The following PITPNC1 variants were observed in gnomAD, a reference collection of about 807,000 sequenced individuals.
PITPNC1 encodes cytoplasmic phosphatidylinositol transfer protein 1.
Under a neutral mutation model 44.7 loss-of-function variants are expected in PITPNC1, and 18 were observed. The observed-to-expected ratio is 0.40, with a 90% CI of 0.28 to 0.60. PITPNC1 has a LOEUF of 0.60. PITPNC1 is among the 20% of genes least tolerant of loss of function. The pLI is 0.39. For missense variants in PITPNC1, 290 were observed against 418.4 expected, an observed-to-expected ratio of 0.69 and a Z score of 2.68; for synonymous variants, 141 against 149.6, an observed-to-expected ratio of 0.94 and a Z score of 0.42.
intron 6 of PITPNC1, among the ~76,000 whole-genome samples, chr17:67,658,873 G>A (rs990608379): frequency 1.3e-5 from 2 of 152,066 alleles, no homozygotes; most frequent in Non-Finnish European, 2.9e-5. Context: ...CTGCAGGGGG[G>A]AAGCCATGTC....
At chr17:67,552,942 A>G (rs2040788000) in intron 3 of PITPNC1, among the ~76,000 whole-genome samples, 1 of 152,138 alleles carries the variant, frequency 6.6e-6, no homozygotes, top group Non-Finnish European at 1.5e-5. Context: ...TTGTCTGTAA[A>G]CAAGTTGCTT....
chr17:67,664,881 G>A (rs2042399380), intron 6 of PITPNC1, among the ~76,000 whole-genome samples: 1 of 150,952 alleles, frequency 6.6e-6, no homozygotes, highest in African/African-American at 2.4e-5. Flanking sequence ...CTCCAGCCTG[G>A]GCGACAGAGC....
chr17:67,681,964 G>A (rs560484263), intron 8 of PITPNC1, among the ~76,000 whole-genome samples: 255 of 152,160 alleles, frequency 1.7e-3, no homozygotes, highest in African/African-American at 6.0e-3. Context: ...TTGGGAGACC[G>A]AGGCAGGCAG....
intron 5 of PITPNC1, among the ~76,000 whole-genome samples, chr17:67,604,142 A>AT (rs1220568998): frequency 6.6e-6 from 1 of 152,162 alleles, no homozygotes; most frequent in Non-Finnish European, 1.5e-5. Context: ...CCCTTACCTG[A>AT]TTTTTTTCAA....
At chr17:67,627,072 G>A (rs1019563178) in intron 5 of PITPNC1, among the ~76,000 whole-genome samples, 1 of 150,374 alleles carries the variant, frequency 6.7e-6, no homozygotes, top group Non-Finnish European at 1.5e-5. Flanking sequence ...CAATATGGTG[G>A]TAAAACCCCA....
chr17:67,663,777 A>T (rs1169123838), intron 6 of PITPNC1, among the ~76,000 whole-genome samples: 2 of 152,136 alleles, frequency 1.3e-5, no homozygotes, highest in African/African-American at 4.8e-5. Flanking sequence ...CCACGTTGTC[A>T]GGTCATTGCC....
chr17:67,483,247 C>G (rs1044287411), intron 1 of PITPNC1, among the ~76,000 whole-genome samples: 1 of 152,154 alleles, frequency 6.6e-6, no homozygotes, highest in African/African-American at 2.4e-5. Flanking sequence ...GAACTTGTAG[C>G]CAATTTTATA....
intron 1 of PITPNC1, among the ~76,000 whole-genome samples, chr17:67,518,224 C>T (rs1343160835): frequency 6.6e-6 from 1 of 152,226 alleles, no homozygotes; most frequent in Non-Finnish European, 1.5e-5. Flanking sequence ...CCTACCACCA[C>T]TCCTGGGTTC....
chr17:67,637,110 T>G (rs978010195), intron 6 of PITPNC1, among the ~76,000 whole-genome samples: 1 of 152,224 alleles, frequency 6.6e-6, no homozygotes, highest in Non-Finnish European at 1.5e-5. Flanking sequence ...AGCTGGCTCT[T>G]TCCCAGCCGC....
At chr17:67,480,331 G>T (rs2039685393) in intron 1 of PITPNC1, among the ~76,000 whole-genome samples, 1 of 152,176 alleles carries the variant, frequency 6.6e-6, no homozygotes, top group East Asian at 1.9e-4. Flanking sequence ...ATCTTTGTTT[G>T]CAGGGATATG....
intron 1 of PITPNC1, among the ~76,000 whole-genome samples, chr17:67,470,303 T>G (rs929905466): frequency 6.6e-6 from 1 of 152,184 alleles, no homozygotes; most frequent in Non-Finnish European, 1.5e-5. Context: ...ATACACACAC[T>G]GTAGTCATGT....
rs2042605098 is a variant in PITPNC1 at position 67,676,496 on chromosome 17, G to A, written c.682+954G>A. ...CACTCCCAGAATCAGTCATCAGATG[G>A]CTACCGTCCTTGGCTATAAATAGAA... On this transcript the variant is annotated intron_variant, in intron 8 of 8. Transcript: ENST00000581322. The surrounding 1 kb of genome is among the most constrained non-coding windows in gnomAD (Gnocchi z 4.0). 2.6e-5 allele frequency among the ~76,000 whole-genome samples: 4 copies of A among 152,240 alleles called. No individual in the cohort carries two copies. The South Asian group carries it at 8.3e-4, about 32-fold the overall frequency.
chr17:67,525,824 A>G (rs1237146920), intron 1 of PITPNC1, among the ~76,000 whole-genome samples: 4 of 152,202 alleles, frequency 2.6e-5, no homozygotes, highest in Non-Finnish European at 5.9e-5. Context: ...AGAAAGCCAA[A>G]TGATATCACT....
chr17:67,498,535 T>C (rs1257855115), intron 1 of PITPNC1, among the ~76,000 whole-genome samples: 1 of 152,242 alleles, frequency 6.6e-6, no homozygotes, highest in African/African-American at 2.4e-5. Context: ...TGAGGTCTTG[T>C]TTTCAACTCT....
rs117630077 is a variant in PITPNC1 at position 67,673,522 on chromosome 17, C to T, written c.619-1957C>T. Among the ~76,000 whole-genome samples, 498 of 152,268 alleles carry T rather than the reference C, an allele frequency of 3.3e-3. 7 individuals are homozygous for T. Among genetic ancestry groups the T allele is most frequent in the East Asian group, 0.021 (108 of 5,190 alleles). ...CCAGTCAAGCTTGTCATTCCCATTA[C>T]GTTCTATTCTAGTTCAGGTCTCTTT... is the stretch of plus-strand genomic sequence containing the variant. On this transcript the variant is annotated intron_variant, in intron 7 of 8. Transcript: ENST00000581322.
intron 5 of PITPNC1, among the ~76,000 whole-genome samples, chr17:67,580,529 C>T (rs1222512551): frequency 1.3e-5 from 2 of 151,936 alleles, no homozygotes; most frequent in African/African-American, 2.4e-5. Context: ...TTTTTAGAGA[C>T]GTGGTTGTAC....
chr17:67,650,441 CTTT>C (rs34611864), intron 6 of PITPNC1, among the ~76,000 whole-genome samples: 39 of 70,992 alleles, frequency 5.5e-4, no homozygotes, highest in Admixed American at 1.0e-3. Context: ...AAACCATAGG[CTTT>C]TTTTTTTTTT....
intron 4 of PITPNC1, among the ~76,000 whole-genome samples, chr17:67,555,672 CAAA>C (rs67935513): frequency 1.3e-5 from 1 of 78,138 alleles, no homozygotes. Context: ...ACTAAAAATA[CAAA>C]AAAAAAAAAA....
At chr17:67,585,070 C>T (rs796319922) in intron 5 of PITPNC1, among the ~76,000 whole-genome samples, 3 of 143,614 alleles carry the variant, frequency 2.1e-5, no homozygotes, top group Non-Finnish European at 3.0e-5. Flanking sequence ...GAGCTGAGAT[C>T]GTGCCATTGC....
Sources: gnomAD v4.1 joint callset for allele counts (sites outside exome capture counted in the v4.1 genomes callset) on GRCh38, gnomAD v4.1.1 for gene constraint, Gnocchi (gnomAD v3.1) non-coding constraint, MANE v1.5 for transcripts, NCBI Gene and HGNC (gene_info 2026-07-23, HGNC 2026-07-21) for gene names.